SLC66A2: variants seen among roughly 807,000 people sequenced by gnomAD.
SLC66A2 encodes solute carrier family 66 member 2.
Under a neutral mutation model 25.5 loss-of-function variants are expected in SLC66A2, and 23 were observed. The ratio of observed to expected loss-of-function variants is 0.90; its 90% CI spans 0.65 to 1.28. The LOEUF (loss-of-function observed/expected upper bound fraction) is 1.28, where lower values mean the gene tolerates loss of function less well. Among genes scored for constraint, SLC66A2 ranks in the 50% most tolerant of loss-of-function variants. The pLI, the probability that SLC66A2 is intolerant of heterozygous loss-of-function variation, is 0.00. For synonymous variants in SLC66A2, 193 were observed against 166.5 expected (o/e 1.16, Z -1.23); for missense variants, 396 against 373.1 (o/e 1.06, Z -0.51).
Position 79,928,135 on chromosome 18 carries a change from C to T in SLC66A2, c.391+5834G>A, listed in dbSNP as rs918625509. 2.6e-5 allele frequency among the ~76,000 whole-genome samples: 4 copies of T among 152,196 alleles called. No homozygotes were observed. In the East Asian group the frequency reaches 5.8e-4, roughly 22 times the overall value. ...CCCTCCAGCCTGAACGGCTTCTGCC[C>T]GAAATCAGGACACAAACACAGCATC... On this transcript the variant is annotated intron_variant, in intron 4 of 5. Transcript: ENST00000397778.
intron 2 of SLC66A2, among the ~76,000 whole-genome samples, chr18:79,947,779 A>G (rs1377240254): frequency 6.6e-6 from 1 of 151,880 alleles, no homozygotes; most frequent in East Asian, 1.9e-4. Context: ...AAACCATGAA[A>G]TCAAAGAGGC....
intron 2 of SLC66A2, among the ~76,000 whole-genome samples, chr18:79,947,994 C>T (rs1349631909): frequency 6.6e-6 from 1 of 151,962 alleles, no homozygotes; most frequent in Non-Finnish European, 1.5e-5. Context: ...GGAGGGACGC[C>T]CAGCAGGAAC....
rs369998813 is a variant in SLC66A2, at chr18:79,920,200, A to G, written c.392-800T>C. Among the ~76,000 whole-genome samples the G allele has an allele frequency of 3.1e-3, 15 of 4,836 alleles. 6 individuals are homozygous for G. The highest frequency in any genetic ancestry group is 2.8e-3 in the African/African-American group (13 of 4,642). 3.2% of individuals were successfully genotyped at this position (4,836 alleles called of 152,430 possible). On this transcript the variant is annotated intron_variant, in intron 4 of 5. Transcript: ENST00000397778. Reference sequence around the variant, plus strand: ...AGGTCAAGGTCAGTGGAGGAGAGACAGGAACCGAGTGAGAGGTCAAGGTCA... The same window carrying G: ...AGGTCAAGGTCAGTGGAGGAGAGACGGGAACCGAGTGAGAGGTCAAGGTCA...
At chr18:79,935,553 T>C (rs1306515074) in intron 3 of SLC66A2, 1 of 152,258 alleles carries the variant, frequency 6.6e-6, no homozygotes, top group Non-Finnish European at 1.5e-5. Flanking sequence ...TCTTCTCCCC[T>C]TGATCATGGG....
At chr18:79,942,688 G>A (rs1987779990) in intron 3 of SLC66A2, among the ~76,000 whole-genome samples, 1 of 152,248 alleles carries the variant, frequency 6.6e-6, no homozygotes, top group African/African-American at 2.4e-5. Flanking sequence ...CAGCCTGCAT[G>A]TTCAAACAGA....
chr18:79,917,723 G>A lies in SLC66A2; in HGVS notation c.608+1461C>T, dbSNP rs1042165823. On this transcript the variant is annotated intron_variant, in intron 5 of 5. Transcript: ENST00000397778. This position sits in a 1 kb window ranked among gnomAD's most constrained non-coding sequence, Gnocchi z 6.0. ...AGTGAGGGAGCCTGTTCCAGCCATG[G>A]ACACCCTCTCGGGCCTCCATGCACC... is the stretch of plus-strand genomic sequence containing the variant. 6.6e-6 allele frequency among the ~76,000 whole-genome samples: 1 copy of A among 151,900 alleles called. No homozygotes were observed. Among genetic ancestry groups the A allele is most frequent in the African/African-American group, 2.4e-5 (1 of 41,330 alleles).
chr18:79,942,457 C>T (rs141415395), intron 3 of SLC66A2, among the ~76,000 whole-genome samples: 3 of 152,250 alleles, frequency 2.0e-5, no homozygotes, highest in East Asian at 3.9e-4. Context: ...TCCAACAGGA[C>T]GAAGTAGCGG....
chr18:79,933,533 A>G (rs1986778511), intron 4 of SLC66A2, among the ~76,000 whole-genome samples: 1 of 152,268 alleles, frequency 6.6e-6, no homozygotes, highest in Non-Finnish European at 1.5e-5. Flanking sequence ...AAACCAGTTC[A>G]GCAGAATTGC....
Position 79,937,960 on chromosome 18 carries a change from C to T in SLC66A2, c.338-3938G>A, listed in dbSNP as rs1179435377. 6.6e-6 allele frequency among the ~76,000 whole-genome samples: 1 copy of T among 152,024 alleles called. No homozygotes were observed. The highest frequency in any genetic ancestry group is 1.9e-4 in the East Asian group (1 of 5,176). On this transcript the variant is annotated intron_variant, in intron 3 of 5. Coordinates refer to ENST00000397778, the MANE Select transcript of SLC66A2 (RefSeq NM_025078.5). The surrounding 1 kb of genome is among the most constrained non-coding windows in gnomAD (Gnocchi z 5.4). ...AAAGTTGAGAGGAGCTAAGGGAGAA[C>T]CCACGGATTTTTAAACAACAAAATC...
At chr18:79,916,496 A>C (rs539941893) in intron 5 of SLC66A2, among the ~76,000 whole-genome samples, 1 of 152,370 alleles carries the variant, frequency 6.6e-6, no homozygotes, top group East Asian at 1.9e-4. Context: ...AGAGGACAGA[A>C]GAATCTCAAC....
intron 3 of SLC66A2, among the ~76,000 whole-genome samples, chr18:79,942,294 A>G (rs371772046): frequency 6.6e-5 from 10 of 152,322 alleles, no homozygotes; most frequent in African/African-American, 2.4e-4. Flanking sequence ...CGCAGAAAAG[A>G]CGCTGGAGCT....
At chr18:79,947,368 CTA>C (rs2144980949) in intron 2 of SLC66A2, 1 of 152,376 alleles carries the variant, frequency 6.6e-6, no homozygotes, top group African/African-American at 2.4e-5. Context: ...CATGAGTGAC[CTA>C]TGTTTCAGAA....
intron 4 of SLC66A2, among the ~76,000 whole-genome samples, chr18:79,921,903 G>A (rs1447139555): frequency 7.1e-6 from 1 of 140,518 alleles, no homozygotes; most frequent in African/African-American, 2.6e-5. Flanking sequence ...AGAGGTCAAG[G>A]TCAGTGACAA....
At chr18:79,936,133 C>T (rs541428631) in intron 3 of SLC66A2, among the ~76,000 whole-genome samples, 3 of 152,328 alleles carry the variant, frequency 2.0e-5, no homozygotes, top group South Asian at 2.1e-4. Flanking sequence ...GCTGTTGGCA[C>T]ATGAAGGAAG....
intron 5 of SLC66A2, among the ~76,000 whole-genome samples, chr18:79,911,224 G>A (rs190031765): frequency 1.6e-4 from 24 of 152,366 alleles, no homozygotes; most frequent in Non-Finnish European, 3.2e-4. Context: ...GAGGGGGCTG[G>A]TTAGCCCTGA....
chr18:79,950,370 G>A (rs981475498), intron 2 of SLC66A2, among the ~76,000 whole-genome samples: 5 of 152,044 alleles, frequency 3.3e-5, no homozygotes, highest in Admixed American at 6.5e-5. Flanking sequence ...AAACAACAAA[G>A]AAAAACTATA....
At chr18:79,943,213 C>T in intron 3 of SLC66A2, 116 bp downstream of exon 3, 1 of 1,292,076 alleles carries the variant, frequency 7.7e-7, no homozygotes. Flanking sequence ...GATAACAGCA[C>T]CACTTGGTGA....
intron 5 of SLC66A2, among the ~76,000 whole-genome samples, chr18:79,910,164 A>C (rs1435393909): frequency 3.0e-4 from 15 of 50,122 alleles, no homozygotes; most frequent in Admixed American, 4.9e-4. Context: ...CCTTCCCCAC[A>C]TCCTCACCAT....
Position 79,919,356 on chromosome 18 carries a change from A to G in SLC66A2, c.436T>C (p.Tyr146His), listed in dbSNP as rs375190137. 1.5e-5 allele frequency: 24 copies of G among 1,613,148 alleles called. No individual in the cohort carries two copies. Among genetic ancestry groups the G allele is most frequent in the Non-Finnish European group, 1.9e-5 (23 of 1,180,032 alleles). Residue 146 changes from tyrosine to histidine, a missense_variant, in exon 5 of 6, where the codon TAC (tyrosine) becomes CAC (histidine). By Grantham distance (83) the Tyr-to-His change is moderately conservative. Coordinates refer to ENST00000397778, the MANE Select transcript of SLC66A2 (RefSeq NM_025078.5). ...HFWQWSSFSD[Y>H]VQCVLAFTGV... ...GTGAAGGCCAGGACGCACTGCACGT[A>G]GTCCGAGAAGCTGCTCCACTGCCAG... is the stretch of plus-strand genomic sequence containing the variant.
Sources: gnomAD v4.1 joint callset for allele counts (sites outside exome capture counted in the v4.1 genomes callset) on GRCh38, gnomAD v4.1.1 for gene constraint, Gnocchi (gnomAD v3.1) non-coding constraint, MANE v1.5 for transcripts, NCBI Gene and HGNC (gene_info 2026-07-23, HGNC 2026-07-21) for gene names.